The following IL1RAPL1 variants were observed in gnomAD, a reference collection of about 807,000 sequenced individuals.
The protein encoded by IL1RAPL1 is interleukin-1 receptor accessory protein-like 1.
A neutral mutation model predicts 48.4 loss-of-function variants in IL1RAPL1; 3 were observed. The ratio of observed to expected loss-of-function variants is 0.06; its 90% confidence interval spans 0.03 to 0.16. The LOEUF is 0.16. Among genes scored for constraint, IL1RAPL1 ranks in the 10% least tolerant of loss-of-function variants. The pLI is 1.00. For synonymous variants in IL1RAPL1, 185 were observed against 187.7 expected (o/e 0.99, Z 0.12); for missense variants, 349 against 530.6 (o/e 0.66, Z 3.36).
At chrX:29,676,537 ATTACT>A (rs1926289878) in intron 6 of IL1RAPL1, among the ~76,000 whole-genome samples, 2 of 111,773 alleles carry the variant, frequency 1.8e-5, no homozygotes, top group African/African-American at 6.5e-5. Flanking sequence ...TTGATTTTAG[ATTACT>A]TAATTCATCA....
intron 8 of IL1RAPL1, among the ~76,000 whole-genome samples, chrX:29,924,953 C>T (rs1013140160): frequency 2.7e-5 from 3 of 111,437 alleles, no homozygotes; most frequent in Non-Finnish European, 1.9e-5. Flanking sequence ...GTTTTAAAGC[C>T]AGATGAATTT....
intron 3 of IL1RAPL1, among the ~76,000 whole-genome samples, chrX:29,361,699 T>A (rs1468662324): frequency 1.8e-5 from 2 of 112,393 alleles, no homozygotes; most frequent in African/African-American, 6.5e-5. Context: ...AATAGAAATA[T>A]CATACAGTAT....
At chrX:29,233,797 G>C (rs1374629948) in intron 2 of IL1RAPL1, among the ~76,000 whole-genome samples, 1 of 112,484 alleles carries the variant, frequency 8.9e-6, no homozygotes, top group African/African-American at 3.2e-5. Context: ...TTCTGGGTGG[G>C]CCTGACTTTA....
rs759626691 is a variant in IL1RAPL1, at chrX:29,954,961, T to A, written c.1373-141T>A. ...AGAGATTTGTACCGGGAAAAAAAAATATTGCTGACATTAGGAGAAGCAAGT... is the reference window on the plus strand; with the variant it reads ...AGAGATTTGTACCGGGAAAAAAAAAAATTGCTGACATTAGGAGAAGCAAGT... On this transcript the variant is annotated intron_variant, in intron 10 of 10. Transcript: ENST00000378993. The A allele has an allele frequency of 4.9e-4, 278 of 566,083 alleles. 1 individual carries two copies. The East Asian group carries it at 8.0e-3, about 16-fold the overall frequency. 46.7% of individuals were successfully genotyped at this position (566,083 alleles called of 1,213,427 possible).
intron 3 of IL1RAPL1, among the ~76,000 whole-genome samples, chrX:29,358,223 T>A (rs1271357653): frequency 9.0e-6 from 1 of 111,024 alleles, no homozygotes; most frequent in Admixed American, 9.6e-5. Flanking sequence ...GAAAGAGAAT[T>A]TGCCTCTGAG....
intron 6 of IL1RAPL1, among the ~76,000 whole-genome samples, chrX:29,821,632 C>A (rs192593978): frequency 2.1e-3 from 233 of 111,625 alleles, no homozygotes; most frequent in Middle Eastern, 4.7e-3. Context: ...ATTTAAGGGT[C>A]TAGATTTAGG....
intron 2 of IL1RAPL1, among the ~76,000 whole-genome samples, chrX:28,885,283 A>T (rs1922601790): frequency 9.0e-6 from 1 of 111,431 alleles, no homozygotes; most frequent in East Asian, 2.8e-4. Flanking sequence ...GATATGACTC[A>T]GAAGGGTGCT....
chrX:29,946,669 T>C (rs1761062455), intron 9 of IL1RAPL1, among the ~76,000 whole-genome samples: 1 of 112,420 alleles, frequency 8.9e-6, no homozygotes, highest in Non-Finnish European at 1.9e-5. Flanking sequence ...TGAATCTGCA[T>C]GTGTGCATGC....
rs750171109 is a variant in IL1RAPL1 at position 29,579,782 on chromosome X, ACT to A, written c.704-88645_704-88644del. The stretch of plus-strand genomic sequence containing the variant: ...CAAAGTATGAAAACCAACATATCTA[ACT>A]CTGTGCTCAGACCAAGATTTGTGTA... On this transcript the variant is annotated intron_variant, in intron 5 of 10. Coordinates refer to ENST00000378993, the MANE Select transcript of IL1RAPL1 (RefSeq NM_014271.4). Among the ~76,000 whole-genome samples, 7 of 111,673 alleles carry A rather than the reference ACT, an allele frequency of 6.3e-5. No homozygotes were observed. In the South Asian group the frequency reaches 1.9e-3, roughly 30 times the overall value.
rs781182697 is a variant in IL1RAPL1 at position 29,609,223 on chromosome X, T to C, written c.704-59207T>C. ...GCTGTATTTTCCTTTCGCCTCAAAT[T>C]TGAGGTATTATAAAAATCTTATAAT... is the stretch of plus-strand genomic sequence containing the variant. On this transcript the variant is annotated intron_variant, in intron 5 of 10. Coordinates refer to ENST00000378993, the MANE Select transcript of IL1RAPL1 (RefSeq NM_014271.4). 7.2e-5 allele frequency among the ~76,000 whole-genome samples: 8 copies of C among 111,793 alleles called. No individual in the cohort carries two copies. The South Asian group carries it at 3.0e-3, about 42-fold the overall frequency.
At chrX:29,205,643 G>T (rs1019383808) in intron 2 of IL1RAPL1, among the ~76,000 whole-genome samples, 4 of 111,699 alleles carry the variant, frequency 3.6e-5, no homozygotes, top group Non-Finnish European at 5.6e-5. Flanking sequence ...GTAACTGTGA[G>T]GATTAAATGA....
At chrX:28,686,459 C>T (rs1402949555) in intron 1 of IL1RAPL1, among the ~76,000 whole-genome samples, 1 of 111,812 alleles carries the variant, frequency 8.9e-6, no homozygotes, top group Non-Finnish European at 1.9e-5. Flanking sequence ...TTGTGATTGA[C>T]ACACTAAAAA....
chrX:28,785,789 G>A (rs1936467124), intron 1 of IL1RAPL1, among the ~76,000 whole-genome samples: 1 of 112,075 alleles, frequency 8.9e-6, no homozygotes, highest in Non-Finnish European at 1.9e-5. Context: ...AAATAGGTAA[G>A]CATTTGTTTC....
intron 2 of IL1RAPL1, among the ~76,000 whole-genome samples, chrX:29,096,638 A>G (rs937647190): frequency 9.0e-6 from 1 of 111,459 alleles, no homozygotes; most frequent in African/African-American, 3.2e-5. Flanking sequence ...CTTCCCAGAA[A>G]TAAAGACTTC....
chrX:28,750,597 C>T (rs1375254530), intron 1 of IL1RAPL1, among the ~76,000 whole-genome samples: 1 of 111,466 alleles, frequency 9.0e-6, no homozygotes, highest in Non-Finnish European at 1.9e-5. Flanking sequence ...TGTTATGTTA[C>T]TCATATTTTT....
At chrX:28,615,032 G>A (rs984943466) in intron 1 of IL1RAPL1, among the ~76,000 whole-genome samples, 86 of 109,358 alleles carry the variant, frequency 7.9e-4, no homozygotes, top group Non-Finnish European at 5.5e-4. Context: ...GGGACTACAG[G>A]TGCCCGCCAC....
intron 6 of IL1RAPL1, among the ~76,000 whole-genome samples, chrX:29,830,535 C>T (rs759859805): frequency 4.6e-5 from 5 of 108,059 alleles, no homozygotes; most frequent in South Asian, 8.3e-4. Flanking sequence ...CTGCAACCTC[C>T]GCCTCCTGGG....
At chrX:29,349,241 T>A (rs1020195925) in intron 3 of IL1RAPL1, among the ~76,000 whole-genome samples, 7 of 112,513 alleles carry the variant, frequency 6.2e-5, no homozygotes, top group Admixed American at 1.9e-4. Flanking sequence ...TCTCTGTTCA[T>A]GTATTTCTTC....
intron 5 of IL1RAPL1, among the ~76,000 whole-genome samples, chrX:29,425,795 G>A (rs1159296327): frequency 9.2e-6 from 1 of 109,263 alleles, no homozygotes; most frequent in Non-Finnish European, 1.9e-5. Flanking sequence ...GGCTAATCTC[G>A]AACTCCTGGG....
Sources: allele counts gnomAD v4.1 joint callset (sites outside exome capture counted in the v4.1 genomes callset), GRCh38; gene constraint gnomAD v4.1.1; transcripts MANE v1.5; gene names NCBI Gene and HGNC (gene_info 2026-07-23, HGNC 2026-07-21).